IGF1R: variants seen among roughly 807,000 people sequenced by gnomAD.
IGF1R encodes insulin-like growth factor 1 receptor.
IGF1R carries 44 observed loss-of-function variants against 144.6 expected under a neutral mutation model. That is an observed-to-expected ratio of 0.30 (90% CI 0.24 to 0.39). The LOEUF (loss-of-function observed/expected upper bound fraction) is 0.39, where lower values mean the gene tolerates loss of function less well. Ranked by LOEUF, IGF1R falls within the 10% of genes least tolerant of loss-of-function variation. The pLI is 1.00. For synonymous variants in IGF1R, 795 were observed against 722.8 expected (o/e 1.10, Z -1.60); for missense variants, 1,355 against 1,833.7 (o/e 0.74, Z 4.77).
chr15:98,881,578 C>T (rs2013382114), intron 2 of IGF1R, among the ~76,000 whole-genome samples: 1 of 152,182 alleles, frequency 6.6e-6, no homozygotes, highest in East Asian at 1.9e-4. Context: ...CCGTCTCGGC[C>T]TTCCAAAGTG....
chr15:98,908,933 A>T lies in IGF1R; in HGVS notation c.1462+34A>T, dbSNP rs747186463. The T allele has an allele frequency of 1.9e-6, 3 of 1,581,570 alleles. No homozygotes were observed. The Admixed American group carries it at 5.2e-5, about 27-fold the overall frequency. ...CAGCATCCAAAACACCGTGGGCCCA[A>T]CCATCATGATAACAGCAGACCCTCC... On this transcript the variant is annotated intron_variant, in intron 6 of 20. Transcript: ENST00000650285.
intron 10 of IGF1R, among the ~76,000 whole-genome samples, 185 bp from the exon 11 acceptor site, chr15:98,921,963 T>A (rs1309536605): frequency 6.6e-6 from 1 of 152,116 alleles, no homozygotes; most frequent in Non-Finnish European, 1.5e-5. Flanking sequence ...TTCTGACACT[T>A]GCAGAGTAGA....
chr15:98,894,848 C>T (rs557960643), intron 3 of IGF1R, among the ~76,000 whole-genome samples: 2 of 152,144 alleles, frequency 1.3e-5, no homozygotes, highest in African/African-American at 2.4e-5. Flanking sequence ...TGGTGAAACC[C>T]CATCTCTACT....
intron 2 of IGF1R, among the ~76,000 whole-genome samples, chr15:98,840,268 A>G (rs2011151031): frequency 6.6e-6 from 1 of 152,216 alleles, no homozygotes; most frequent in Admixed American, 6.5e-5. Flanking sequence ...AGATACTGCA[A>G]AAACAGTGCG....
chr15:98,656,524 G>A (rs1226728679), intron 1 of IGF1R, among the ~76,000 whole-genome samples: 1 of 152,188 alleles, frequency 6.6e-6, no homozygotes, highest in Non-Finnish European at 1.5e-5. Context: ...ACTCCAGCCT[G>A]GGTGACAGAG....
chr15:98,819,947 C>A (rs966331216), intron 2 of IGF1R, among the ~76,000 whole-genome samples: 5 of 152,164 alleles, frequency 3.3e-5, no homozygotes, highest in African/African-American at 1.2e-4. Context: ...GGCACACATT[C>A]ATGAGACAAT....
At chr15:98,794,982 A>G (rs2056205370) in intron 2 of IGF1R, among the ~76,000 whole-genome samples, 2 of 152,222 alleles carry the variant, frequency 1.3e-5, no homozygotes, top group African/African-American at 4.8e-5. Flanking sequence ...TACCTTAGCA[A>G]TGCTCTCAGC....
At chr15:98,937,854 C>G (rs2151711782) in intron 17 of IGF1R, among the ~76,000 whole-genome samples, 1 of 152,328 alleles carries the variant, frequency 6.6e-6, no homozygotes, top group Middle Eastern at 3.4e-3. Flanking sequence ...CTTTACATTT[C>G]ATGTGCATAT....
intron 1 of IGF1R, among the ~76,000 whole-genome samples, chr15:98,673,412 G>A (rs1024032515): frequency 1.3e-5 from 2 of 152,128 alleles, no homozygotes; most frequent in African/African-American, 4.8e-5. Context: ...TCTTCTAGTA[G>A]GAAAATAACA....
rs1265853099 is a variant in IGF1R, at chr15:98,935,169, C to T, written c.3186+116C>T. The T allele has an allele frequency of 2.0e-6, 2 of 1,008,748 alleles. No individual in the cohort carries two copies. The highest frequency in any genetic ancestry group is 2.6e-5 in the East Asian group (1 of 39,034). The allele number at this position is 1,008,748 out of a possible 1,614,324, so 62.5% of individuals were successfully genotyped here. Reference sequence around the variant, plus strand: ...GGGTTTGGTGTCTTGCCTTTGCCTTCTGGATAGTTACCCCATTACCTCACT... The same window carrying T: ...GGGTTTGGTGTCTTGCCTTTGCCTTTTGGATAGTTACCCCATTACCTCACT... On this transcript the variant is annotated intron_variant, in intron 16 of 20. Coordinates refer to ENST00000650285, the MANE Select transcript of IGF1R (RefSeq NM_000875.5). The surrounding 1 kb of genome is among the most constrained non-coding windows in gnomAD (Gnocchi z 4.2).
At chr15:98,776,183 TA>T (rs1191718586) in intron 2 of IGF1R, among the ~76,000 whole-genome samples, 8 of 150,904 alleles carry the variant, frequency 5.3e-5, no homozygotes, top group African/African-American at 2.0e-4. Context: ...TTTTATTATT[TA>T]TTTTTTTATT....
intron 17 of IGF1R, among the ~76,000 whole-genome samples, chr15:98,937,822 A>G (rs1320668237): frequency 6.6e-6 from 1 of 152,262 alleles, no homozygotes; most frequent in Admixed American, 6.5e-5. Flanking sequence ...ATACTGTAAT[A>G]TTTAAGAATT....
At chr15:98,736,428 T>G (rs1356678184) in intron 2 of IGF1R, among the ~76,000 whole-genome samples, 1 of 151,814 alleles carries the variant, frequency 6.6e-6, no homozygotes, top group Non-Finnish European at 1.5e-5. Flanking sequence ...TGGATAAGGC[T>G]TTCTTCTCTT....
chr15:98,662,294 T>C (rs1596152433), intron 1 of IGF1R, among the ~76,000 whole-genome samples: 1 of 152,090 alleles, frequency 6.6e-6, no homozygotes, highest in Admixed American at 6.5e-5. Flanking sequence ...GAGGGTCTTT[T>C]TTTGCACATC....
intron 2 of IGF1R, among the ~76,000 whole-genome samples, chr15:98,712,510 G>T (rs535282999): frequency 6.6e-6 from 1 of 152,130 alleles, no homozygotes; most frequent in South Asian, 2.1e-4. Context: ...TGCTGCTTCA[G>T]CTGTGTTCCT....
At chr15:98,926,254 C>A (rs183901494) in intron 13 of IGF1R, among the ~76,000 whole-genome samples, 1 of 152,054 alleles carries the variant, frequency 6.6e-6, no homozygotes, top group South Asian at 2.1e-4. Flanking sequence ...TCTGATAATG[C>A]GGAATCTAAG....
intron 4 of IGF1R, among the ~76,000 whole-genome samples, chr15:98,898,569 T>TATTAA (rs1466171964): frequency 6.6e-6 from 1 of 152,228 alleles, no homozygotes; most frequent in Non-Finnish European, 1.5e-5. Context: ...CTTGGAAAGC[T>TATTAA]ATTAAATTAA....
intron 1 of IGF1R, among the ~76,000 whole-genome samples, chr15:98,692,046 T>G (rs1452362461): frequency 2.6e-5 from 4 of 152,110 alleles, no homozygotes; most frequent in Non-Finnish European, 4.4e-5. Flanking sequence ...AAATATTTCT[T>G]TCTTTGGCCG....
At chr15:98,946,927 TTTC>T (rs1488190249) in intron 19 of IGF1R, among the ~76,000 whole-genome samples, 3 of 152,224 alleles carry the variant, frequency 2.0e-5, no homozygotes, top group African/African-American at 2.4e-5. Flanking sequence ...GAGCTAGTCA[TTTC>T]TTCTTATTTT....
Sources: allele counts gnomAD v4.1 joint callset (sites outside exome capture counted in the v4.1 genomes callset), GRCh38; gene constraint gnomAD v4.1.1; non-coding constraint Gnocchi (gnomAD v3.1); transcripts MANE v1.5; gene names NCBI Gene and HGNC (gene_info 2026-07-23, HGNC 2026-07-21).